The following SEC14L1 variants were observed in gnomAD, a reference collection of about 807,000 sequenced individuals.
SEC14L1 encodes the protein SEC14 like lipid binding 1, also known as SEC14-like protein 1.
SEC14L1 carries 48 observed loss-of-function variants against 85.3 expected under a neutral mutation model. The ratio of observed to expected loss-of-function variants is 0.56; its 90% CI spans 0.45 to 0.72. The LOEUF (loss-of-function observed/expected upper bound fraction) is 0.72, where lower values mean the gene tolerates loss of function less well. SEC14L1 is among the 30% of genes least tolerant of loss of function. The pLI is 0.00. For synonymous variants in SEC14L1, 391 were observed against 355.5 expected (o/e 1.10, Z -1.12); for missense variants, 682 against 921.4 (o/e 0.74, Z 3.36).
intron 3 of SEC14L1, among the ~76,000 whole-genome samples, chr17:77,171,620 T>G (rs1043578225): frequency 2.6e-5 from 4 of 152,226 alleles, no homozygotes; most frequent in African/African-American, 9.6e-5. Context: ...TTCAAATTTT[T>G]CCAAGGTGTG....
intron 10 of SEC14L1, among the ~76,000 whole-genome samples, 156 bp downstream of exon 10, chr17:77,203,814 G>A (rs1976309724): frequency 1.3e-5 from 2 of 152,026 alleles, no homozygotes; most frequent in African/African-American, 4.8e-5. Flanking sequence ...AATTTCAAAA[G>A]GAGACACAGA....
intron 13 of SEC14L1, 81 bp from the exon 14 acceptor site, chr17:77,209,261 G>A (rs1479364513): frequency 2.6e-6 from 4 of 1,540,110 alleles, no homozygotes; most frequent in East Asian, 2.3e-5. Flanking sequence ...AGTGCAGGGG[G>A]ATAGTGCTGG....
intron 3 of SEC14L1, among the ~76,000 whole-genome samples, chr17:77,159,039 C>T (rs1326183257): frequency 4.6e-5 from 7 of 150,740 alleles, no homozygotes; most frequent in Admixed American, 1.3e-4. Context: ...CGCCTGGCTT[C>T]GTGTGATCCA....
At chr17:77,120,540 G>A (rs954619266) in intron 3 of SEC14L1, among the ~76,000 whole-genome samples, 3 of 151,424 alleles carry the variant, frequency 2.0e-5, no homozygotes, top group Admixed American at 6.6e-5. Flanking sequence ...GCGGTGGCAC[G>A]ATCTCGGCTC....
chr17:77,120,513 G>A lies in SEC14L1; in HGVS notation c.-135-22133G>A, dbSNP rs533680482. Among the ~76,000 whole-genome samples the A allele has an allele frequency of 1.1e-4, 16 of 150,386 alleles. 1 individual carries two copies. The East Asian group carries it at 2.5e-3, about 24-fold the overall frequency. ...TTTTTTTTTAATGAAGTCTTGCTCTGTCGCCCAGGCTGGAGTGCGGTGGCA... is the reference window on the plus strand; with the variant it reads ...TTTTTTTTTAATGAAGTCTTGCTCTATCGCCCAGGCTGGAGTGCGGTGGCA... On this transcript the variant is annotated intron_variant, in intron 3 of 19. Transcript: ENST00000392476.
intron 3 of SEC14L1, among the ~76,000 whole-genome samples, chr17:77,149,558 T>C (rs1567894893): frequency 6.6e-6 from 1 of 152,032 alleles, no homozygotes; most frequent in Admixed American, 6.6e-5. Context: ...AAATAAATGG[T>C]CATGGTGGTG....
chr17:77,191,063 C>A, intron 4 of SEC14L1, 111 bp downstream of exon 4: 1 of 1,531,948 alleles, frequency 6.5e-7, no homozygotes, highest in Non-Finnish European at 8.9e-7. Context: ...GAGAGGGCGT[C>A]CTGGAGGGAG....
intron 8 of SEC14L1, chr17:77,199,432 C>T (rs79520341): frequency 0.028 from 4,463 of 160,466 alleles, 214 homozygotes; most frequent in African/African-American, 0.1. Flanking sequence ...GTCGTCTGCC[C>T]GGAGAGACGG....
intron 7 of SEC14L1, among the ~76,000 whole-genome samples, chr17:77,195,663 T>G (rs61463718): frequency 0.071 from 10,750 of 152,104 alleles, 472 homozygotes; most frequent in East Asian, 0.27. Flanking sequence ...AATTTTTATA[T>G]TCCTAGTAGA....
intron 3 of SEC14L1, among the ~76,000 whole-genome samples, chr17:77,107,940 C>T (rs1458260652): frequency 6.6e-6 from 1 of 152,112 alleles, no homozygotes; most frequent in Non-Finnish European, 1.5e-5. Context: ...GACGGGGTCT[C>T]ACTATGTTGC....
At chr17:77,120,455 G>C (rs148132519) in intron 3 of SEC14L1, among the ~76,000 whole-genome samples, 1 of 151,872 alleles carries the variant, frequency 6.6e-6, no homozygotes, top group African/African-American at 2.4e-5. Flanking sequence ...AGGCTGCCCC[G>C]GAGTTTCTGA....
At chr17:77,133,863 C>CAGG (rs1413690130) in intron 3 of SEC14L1, among the ~76,000 whole-genome samples, 1 of 145,414 alleles carries the variant, frequency 6.9e-6, no homozygotes, top group Non-Finnish European at 1.5e-5. Flanking sequence ...CACTAGAACC[C>CAGG]AGGAGGTGGA....
At position 77,215,357 on chromosome 17, in the gene SEC14L1, T is replaced by G. The variant is rs566313380; in HGVS notation, c.*1334T>G. 2 of 985,400 alleles carry G rather than the reference T, an allele frequency of 2.0e-6. No individual in the cohort carries two copies. The highest frequency in any genetic ancestry group is 1.1e-4 in the East Asian group (1 of 8,820). The allele number at this position is 985,400 out of a possible 1,614,324, so 61.0% of individuals were successfully genotyped here. ...ACGATAAGGACATGCAACACGTGTT[T>G]CTGTGTGCAGCAGAGGCCGTGTTTT... On this transcript the variant is annotated 3_prime_UTR_variant, in exon 17 of 17. Coordinates refer to ENST00000436233, the MANE Select transcript of SEC14L1 (RefSeq NM_001143998.2).
chr17:77,119,455 G>A (rs1972248401), intron 3 of SEC14L1, among the ~76,000 whole-genome samples: 1 of 152,074 alleles, frequency 6.6e-6, no homozygotes, highest in Admixed American at 6.6e-5. Context: ...GTCCTCATTG[G>A]CGTTAAATTA....
chr17:77,149,610 G>A lies in SEC14L1; in HGVS notation c.63+5951G>A, dbSNP rs182520597. On this transcript the variant is annotated intron_variant, in intron 3 of 16. Transcript: ENST00000436233. ...GCTTCTCAGGAGGCTGAAGAGAGAG[G>A]ATCCTTTGAGCCCAGGAGTTCAAGG... is the stretch of plus-strand genomic sequence containing the variant. 2.0e-5 allele frequency among the ~76,000 whole-genome samples: 3 copies of A among 152,264 alleles called. No homozygotes were observed. In the East Asian group the frequency reaches 5.8e-4, roughly 29 times the overall value.
At chr17:77,201,951 T>G (rs1417277672) in intron 9 of SEC14L1, among the ~76,000 whole-genome samples, 1 of 152,226 alleles carries the variant, frequency 6.6e-6, no homozygotes, top group African/African-American at 2.4e-5. Context: ...ACGACACTGC[T>G]GGTCTTCTGG....
intron 7 of SEC14L1, among the ~76,000 whole-genome samples, chr17:77,195,881 G>A (rs1975786241): frequency 6.6e-6 from 1 of 151,614 alleles, no homozygotes; most frequent in African/African-American, 2.4e-5. Flanking sequence ...TCCTTTTTGT[G>A]TTATGTTCCT....
chr17:77,144,285 C>T (rs1275480211), intron 3 of SEC14L1, among the ~76,000 whole-genome samples: 1 of 152,144 alleles, frequency 6.6e-6, no homozygotes, highest in Non-Finnish European at 1.5e-5. Context: ...ATAATACAGA[C>T]AGGAGAATGT....
At chr17:77,104,988 A>G (rs1478593814) in intron 3 of SEC14L1, among the ~76,000 whole-genome samples, 1 of 151,956 alleles carries the variant, frequency 6.6e-6, no homozygotes, top group African/African-American at 2.4e-5. Flanking sequence ...CGGTCTCTGG[A>G]AAGCCAGGAT....
Sources: allele counts gnomAD v4.1 joint callset (sites outside exome capture counted in the v4.1 genomes callset), GRCh38; gene constraint gnomAD v4.1.1; transcripts MANE v1.5; gene names NCBI Gene and HGNC (gene_info 2026-07-23, HGNC 2026-07-21).